Variants in SLC35F4 observed in about 807,000 individuals in gnomAD.
SLC35F4 encodes the protein solute carrier family 35 member F4.
SLC35F4 carries 24 observed loss-of-function variants against 44.2 expected under a neutral mutation model. That is an observed-to-expected ratio of 0.54 (90% CI 0.39 to 0.76). The LOEUF (loss-of-function observed/expected upper bound fraction) is 0.76. Among genes scored for constraint, SLC35F4 ranks in the 30% least tolerant of loss-of-function variants. The probability of loss-of-function intolerance (pLI) is 0.00; values close to 1 mark genes in which losing one functional copy is unlikely to be tolerated. For synonymous variants in SLC35F4, 238 were observed against 223.6 expected (o/e 1.06, Z -0.57); for missense variants, 562 against 586.1 (o/e 0.96, Z 0.42).
At chr14:57,760,111 A>G (rs1268285957) in intron 1 of SLC35F4, among the ~76,000 whole-genome samples, 2 of 152,050 alleles carry the variant, frequency 1.3e-5, no homozygotes, top group African/African-American at 4.8e-5. Context: ...GCCAAGTCCA[A>G]TGTCAAAGAG....
intron 1 of SLC35F4, among the ~76,000 whole-genome samples, chr14:57,785,671 G>C (rs565225727): frequency 6.6e-6 from 1 of 152,282 alleles, no homozygotes; most frequent in African/African-American, 2.4e-5. Context: ...CTGAAGGTCT[G>C]TTTGCAGGAA....
chr14:57,980,946 C>T (rs1371555089), intron 1 of SLC35F4, among the ~76,000 whole-genome samples: 12 of 152,054 alleles, frequency 7.9e-5, no homozygotes, highest in Admixed American at 7.9e-4. Flanking sequence ...GATCCCAGGC[C>T]TAGAGTGTTG....
intron 1 of SLC35F4, among the ~76,000 whole-genome samples, chr14:57,612,181 T>C (rs1003298173): frequency 9.2e-5 from 14 of 152,024 alleles, no homozygotes; most frequent in South Asian, 2.1e-4. Context: ...AGCCCAGAAG[T>C]TGGAGGCTGC....
chr14:57,968,674 G>T (rs1594660789), intron 1 of SLC35F4, among the ~76,000 whole-genome samples: 1 of 152,146 alleles, frequency 6.6e-6, no homozygotes, highest in African/African-American at 2.4e-5. Flanking sequence ...AAACTCTGGG[G>T]ATAATACCTG....
chr14:57,600,833 G>T (rs2070785635), intron 1 of SLC35F4, among the ~76,000 whole-genome samples: 2 of 151,544 alleles, frequency 1.3e-5, no homozygotes, highest in African/African-American at 4.8e-5. Flanking sequence ...CCTTGTAGTA[G>T]TATCATTTAT....
At chr14:57,648,031 A>G in intron 1 of SLC35F4, among the ~76,000 whole-genome samples, 1 of 152,126 alleles carries the variant, frequency 6.6e-6, no homozygotes, top group East Asian at 1.9e-4. Flanking sequence ...CTTTATTGCT[A>G]TGGTTCCCAA....
intron 1 of SLC35F4, among the ~76,000 whole-genome samples, chr14:57,949,190 T>C (rs990906621): frequency 6.6e-6 from 1 of 152,184 alleles, no homozygotes; most frequent in African/African-American, 2.4e-5. Context: ...TAGTCATTGT[T>C]TTATGAATTT....
intron 3 of SLC35F4, among the ~76,000 whole-genome samples, chr14:57,586,180 T>C (rs2069705621): frequency 6.6e-6 from 1 of 152,144 alleles, no homozygotes; most frequent in Non-Finnish European, 1.5e-5. Flanking sequence ...ACCACACATC[T>C]ACAACCATCT....
chr14:57,667,273 G>A (rs771908610), intron 1 of SLC35F4, among the ~76,000 whole-genome samples: 5 of 151,868 alleles, frequency 3.3e-5, no homozygotes, highest in East Asian at 1.9e-4. Context: ...ACTGCCAAAC[G>A]TTTTTAAAGG....
chr14:57,638,814 T>C (rs1236139481), intron 1 of SLC35F4, among the ~76,000 whole-genome samples: 2 of 152,018 alleles, frequency 1.3e-5, no homozygotes, highest in Non-Finnish European at 2.9e-5. Context: ...GAACCACCTC[T>C]CTTCCACTCT....
At chr14:57,776,665 C>CA (rs57272978) in intron 1 of SLC35F4, among the ~76,000 whole-genome samples, 5,280 of 70,118 alleles carry the variant, frequency 0.075, 262 homozygotes, top group East Asian at 0.2. Flanking sequence ...GACTCCATCT[C>CA]AAAAAAAAAA....
At chr14:57,847,577 A>AT (rs1181500292) in intron 1 of SLC35F4, among the ~76,000 whole-genome samples, 1 of 152,170 alleles carries the variant, frequency 6.6e-6, no homozygotes, top group Non-Finnish European at 1.5e-5. Context: ...ATCCTATAAT[A>AT]CAAGGTCATG....
chr14:57,675,360 G>A (rs985871481), intron 1 of SLC35F4, among the ~76,000 whole-genome samples: 1 of 152,070 alleles, frequency 6.6e-6, no homozygotes, highest in Non-Finnish European at 1.5e-5. Context: ...TACTTTGAAA[G>A]CACCAAAAGT....
At chr14:57,662,993 G>C (rs775911247) in intron 1 of SLC35F4, among the ~76,000 whole-genome samples, 1 of 152,168 alleles carries the variant, frequency 6.6e-6, no homozygotes, top group Non-Finnish European at 1.5e-5. Flanking sequence ...CCTCTACTGG[G>C]AATGATCACT....
intron 1 of SLC35F4, among the ~76,000 whole-genome samples, chr14:57,936,668 C>G (rs1215364881): frequency 6.6e-6 from 1 of 152,144 alleles, no homozygotes; most frequent in Non-Finnish European, 1.5e-5. Flanking sequence ...AAAGAATTAT[C>G]TATCCCAAAA....
At chr14:57,566,049 C>T (rs2068190875) in intron 7 of SLC35F4, among the ~76,000 whole-genome samples, 1 of 152,094 alleles carries the variant, frequency 6.6e-6, no homozygotes, top group Admixed American at 6.5e-5. Context: ...TCTGCTCTGC[C>T]CCAGGAGAGC....
chr14:57,716,550 G>A (rs182639289), intron 1 of SLC35F4, among the ~76,000 whole-genome samples: 1 of 152,108 alleles, frequency 6.6e-6, no homozygotes, highest in East Asian at 1.9e-4. Flanking sequence ...GTTACTTTAT[G>A]CTATTAACAA....
At chr14:57,634,998 C>T (rs2072955980) in intron 1 of SLC35F4, among the ~76,000 whole-genome samples, 1 of 152,094 alleles carries the variant, frequency 6.6e-6, no homozygotes, top group Admixed American at 6.5e-5. Context: ...CGGCTCATGC[C>T]TGTAACCCCA....
intron 1 of SLC35F4, among the ~76,000 whole-genome samples, chr14:57,738,515 A>G (rs1281414203): frequency 6.6e-6 from 1 of 151,958 alleles, no homozygotes; most frequent in Non-Finnish European, 1.5e-5. Flanking sequence ...TTCCTGCCAC[A>G]TACTGTTCTG....
Sources: gnomAD v4.1 joint callset for allele counts (sites outside exome capture counted in the v4.1 genomes callset) on GRCh38, gnomAD v4.1.1 for gene constraint, MANE v1.5 for transcripts, NCBI Gene and HGNC (gene_info 2026-07-23, HGNC 2026-07-21) for gene names.